The following NRL variants were observed in gnomAD, a reference collection of about 807,000 sequenced individuals.
The protein encoded by NRL is neural retina-specific leucine zipper protein.
A neutral mutation model predicts 12.5 loss-of-function variants in NRL; 16 were observed. That is an observed-to-expected ratio of 1.28 (90% CI 0.87 to 1.95). NRL has a LOEUF of 1.95. Among genes scored for constraint, NRL ranks in the 30% most tolerant of loss-of-function variants. The pLI is 0.00. For missense variants in NRL, 314 were observed against 325.8 expected (o/e 0.96, Z 0.28); for synonymous variants, 142 against 150.9 (o/e 0.94, Z 0.43).
intron 1 of NRL, chr14:24,100,571 G>A: frequency 9.1e-7 from 1 of 1,099,452 alleles, no homozygotes; most frequent in East Asian, 4.6e-5. Context: ...AATACAGGCT[G>A]GATTTTTTTT....
intron 1 of NRL, among the ~76,000 whole-genome samples, chr14:24,083,625 C>T (rs1055305964): frequency 1.3e-5 from 2 of 152,222 alleles, no homozygotes; most frequent in African/African-American, 4.8e-5. Flanking sequence ...AGATCACCTT[C>T]ACCCTTCTGA....
chr14:24,114,633 C>T, intron 1 of NRL, 89 bp downstream of exon 1: 26 of 971,488 alleles, frequency 2.7e-5, no homozygotes, highest in Non-Finnish European at 3.1e-5. Context: ...TGGCAGTTCC[C>T]ACTTACTCCT....
chr14:24,090,505 T>G (rs1391669566), intron 1 of NRL, among the ~76,000 whole-genome samples: 1 of 152,080 alleles, frequency 6.6e-6, no homozygotes, highest in Non-Finnish European at 1.5e-5. Flanking sequence ...GTGAGACAGC[T>G]CCCTTTGGCC....
In NRL at chr14:24,090,277, G is replaced by C. The variant is rs868544678; in HGVS notation, c.-27-7402C>G. 1.1e-3 allele frequency among the ~76,000 whole-genome samples: 138 copies of C among 123,934 alleles called. 6 individuals are homozygous for C. Among genetic ancestry groups the C allele is most frequent in the South Asian group, 5.2e-3 (16 of 3,058 alleles). 81.3% of individuals were successfully genotyped at this position (123,934 alleles called of 152,430 possible). On this transcript the variant is annotated intron_variant, in intron 1 of 2. Coordinates refer to ENST00000561028, the MANE Select transcript of NRL (RefSeq NM_001354768.3). ...CAGGTGGTTTACTCGGGGGGGGGGGGGGGGCACGGGGGGGGACTTTCAAAG... is the reference window on the plus strand; with the variant it reads ...CAGGTGGTTTACTCGGGGGGGGGGGCGGGGCACGGGGGGGGACTTTCAAAG...
chr14:24,094,206 G>C lies in NRL; in HGVS notation c.-27-11331C>G. On this transcript the variant is annotated intron_variant, in intron 1 of 2. Coordinates refer to ENST00000561028, the MANE Select transcript of NRL (RefSeq NM_001354768.3). The surrounding 1 kb of genome is among the most constrained non-coding windows in gnomAD (Gnocchi z 4.1). ...GGAGCCTGGAGCCCCGGGGCCGAGGGAGCTGGCCTGCCAGCGGGGCGGAGG... is the reference window on the plus strand; with the variant it reads ...GGAGCCTGGAGCCCCGGGGCCGAGGCAGCTGGCCTGCCAGCGGGGCGGAGG... The C allele has an allele frequency of 1.7e-6, 1 of 575,212 alleles. No homozygotes were observed. The highest frequency in any genetic ancestry group is 3.4e-5 in the East Asian group (1 of 29,464). The allele number at this position is 575,212 out of a possible 1,614,324, so 35.6% of individuals were successfully genotyped here.
At chr14:24,093,647 C>T in intron 1 of NRL, 1 of 154,990 alleles carries the variant, frequency 6.5e-6, no homozygotes, top group Non-Finnish European at 1.4e-5. Flanking sequence ...CCACTGCACG[C>T]ACTCCAGCCT....
At position 24,103,902 on chromosome 14, in the gene NRL, G is replaced by A. The variant is rs773009608; in HGVS notation, c.-28+10820C>T. The stretch of plus-strand genomic sequence containing the variant: ...CTACCTGACAGAGCAGGTCAACCAG[G>A]ATCTGCCCAAAGAGGTGTTGGCTGA... On this transcript the variant is annotated intron_variant, in intron 1 of 2. Coordinates refer to ENST00000561028, the MANE Select transcript of NRL (RefSeq NM_001354768.3). 3 of 1,614,052 alleles carry A rather than the reference G, an allele frequency of 1.9e-6. No homozygotes were observed. The highest frequency in any genetic ancestry group is 2.5e-6 in the Non-Finnish European group (3 of 1,180,032).
At chr14:24,113,928 G>A (rs918003467) in intron 1 of NRL, among the ~76,000 whole-genome samples, 1 of 152,244 alleles carries the variant, frequency 6.6e-6, no homozygotes, top group African/African-American at 2.4e-5. Flanking sequence ...CTCTGAGCCC[G>A]AGACAGCAAG....
chr14:24,100,952 T>C (rs1295277768), intron 1 of NRL, among the ~76,000 whole-genome samples: 3 of 152,158 alleles, frequency 2.0e-5, no homozygotes, highest in African/African-American at 7.2e-5. Context: ...CATGGCCTTC[T>C]GCAGTCAGGC....
intron 1 of NRL, chr14:24,098,732 G>T: frequency 6.7e-7 from 1 of 1,483,828 alleles, no homozygotes. Context: ...GTACTCAGAG[G>T]AAATCCCAAA....
rs2036761929 is a variant in NRL at position 24,094,452 on chromosome 14, CG to C, written c.-27-11578del. On this transcript the variant is annotated intron_variant, in intron 1 of 2. Transcript: ENST00000561028. The surrounding 1 kb of genome is among the most constrained non-coding windows in gnomAD (Gnocchi z 4.1). The stretch of plus-strand genomic sequence containing the variant: ...GGCCTGCGGTGAGTGACCCCCGGCC[CG>C]GGGCCCACCCGCACCTTCCGCTGCG... 2 of 1,532,466 alleles carry C rather than the reference CG, an allele frequency of 1.3e-6. No individual in the cohort carries two copies. Among genetic ancestry groups the C allele is most frequent in the East Asian group, 2.5e-5 (1 of 40,300 alleles). 94.9% of individuals were successfully genotyped at this position (1,532,466 alleles called of 1,614,324 possible).
intron 1 of NRL, among the ~76,000 whole-genome samples, chr14:24,112,416 G>A (rs1260499851): frequency 6.7e-6 from 1 of 150,086 alleles, no homozygotes; most frequent in Non-Finnish European, 1.5e-5. Flanking sequence ...CACAGCAAAA[G>A]AAACTACCAT....
At chr14:24,097,833 A>G (rs1331045638) in intron 1 of NRL, among the ~76,000 whole-genome samples, 1 of 152,138 alleles carries the variant, frequency 6.6e-6, no homozygotes, top group East Asian at 1.9e-4. Flanking sequence ...ACCTCAAGTG[A>G]TCCACCCACC....
rs1370030794 is a variant in NRL at position 24,109,401 on chromosome 14, A to G, written c.-28+5321T>C. ...GATAATCAAGTTCATAGGCTTAAAA[A>G]TCTTTTATATGCTGCCAGGCGTGGT... On this transcript the variant is annotated intron_variant, in intron 1 of 2. Transcript: ENST00000561028. 3.9e-5 allele frequency among the ~76,000 whole-genome samples: 6 copies of G among 152,202 alleles called. No homozygotes were observed. In the East Asian group the frequency reaches 9.6e-4, roughly 24 times the overall value.
chr14:24,094,923 CGGACTGGAA>C lies in NRL; in HGVS notation c.-27-12057_-27-12049del. The C allele has an allele frequency of 8.9e-7, 1 of 1,128,914 alleles. No individual in the cohort carries two copies. The highest frequency in any genetic ancestry group is 1.2e-6 in the Non-Finnish European group (1 of 846,864). 69.9% of individuals were successfully genotyped at this position (1,128,914 alleles called of 1,614,324 possible). On this transcript the variant is annotated intron_variant, in intron 1 of 2. Transcript: ENST00000561028. The surrounding 1 kb of genome is among the most constrained non-coding windows in gnomAD (Gnocchi z 4.1). ...TTAAATATCCATTCCCGGCCTCTCCCGGACTGGAAGGACTGGAACCTGGCGGGAAGTCCA... is the reference window on the plus strand; with the variant it reads ...TTAAATATCCATTCCCGGCCTCTCCCGGACTGGAACCTGGCGGGAAGTCCA...
At chr14:24,082,905 A>G in intron 1 of NRL, 30 bp from the exon 2 acceptor site, 3 of 1,561,772 alleles carry the variant, frequency 1.9e-6, no homozygotes, top group Non-Finnish European at 2.6e-6. Flanking sequence ...TCTGGAGCAC[A>G]TGGAGGCCAC....
In NRL at chr14:24,094,584, CCGCGCCG is replaced by C. The variant is rs1252813223; in HGVS notation, c.-27-11716_-27-11710del. ...GGGCGACTGCTGTGGGTCCAGCCTC[CCGCGCCG>C]CGCGTCTCTTGGGAGGGCAGCCGGC... is the stretch of plus-strand genomic sequence containing the variant. On this transcript the variant is annotated intron_variant, in intron 1 of 2. Transcript: ENST00000561028. The surrounding 1 kb of genome is among the most constrained non-coding windows in gnomAD (Gnocchi z 4.1). 3 of 1,451,294 alleles carry C rather than the reference CCGCGCCG, an allele frequency of 2.1e-6. No individual in the cohort carries two copies. In the African/African-American group the frequency reaches 4.3e-5, roughly 21 times the overall value. The allele number at this position is 1,451,294 out of a possible 1,614,324, so 89.9% of individuals were successfully genotyped here.
intron 1 of NRL, among the ~76,000 whole-genome samples, chr14:24,105,640 C>A (rs75869105): frequency 1.3e-5 from 2 of 152,154 alleles, no homozygotes; most frequent in Non-Finnish European, 2.9e-5. Context: ...CCTATTCCAC[C>A]GGGCGCAGTG....
chr14:24,110,400 C>T (rs772008669), intron 1 of NRL: 16 of 303,498 alleles, frequency 5.3e-5, no homozygotes, highest in East Asian at 2.7e-4. Flanking sequence ...TGAGCTACCA[C>T]GCCTATTATA....
Sources: allele counts gnomAD v4.1 joint callset (sites outside exome capture counted in the v4.1 genomes callset), GRCh38; gene constraint gnomAD v4.1.1; non-coding constraint Gnocchi (gnomAD v3.1); transcripts MANE v1.5; gene names NCBI Gene and HGNC (gene_info 2026-07-23, HGNC 2026-07-21).